Variants in BBX observed in about 807,000 individuals in gnomAD.
BBX encodes BBX high mobility group box domain containing.
BBX carries 30 observed loss-of-function variants against 100.2 expected under a neutral mutation model. The observed-to-expected ratio is 0.30, with a 90% CI of 0.22 to 0.41. The LOEUF is 0.41. BBX is among the 10% of genes least tolerant of loss of function. BBX has a pLI of 1.00. For synonymous variants in BBX, 376 were observed against 388.1 expected (o/e 0.97, Z 0.37); for missense variants, 1,023 against 1,129.8 (o/e 0.91, Z 1.35).
At chr3:107,572,235 C>T (rs961189994) in intron 2 of BBX, among the ~76,000 whole-genome samples, 6 of 152,138 alleles carry the variant, frequency 3.9e-5, no homozygotes, top group Admixed American at 2.6e-4. Context: ...GAACTTTTCC[C>T]GTCTGCTATA....
intron 10 of BBX, among the ~76,000 whole-genome samples, chr3:107,763,067 G>T (rs1027765669): frequency 3.3e-5 from 5 of 152,032 alleles, no homozygotes; most frequent in African/African-American, 1.2e-4. Context: ...GTTCAGACTT[G>T]GGTCCTATCC....
chr3:107,587,727 T>C (rs1262404042), intron 2 of BBX, among the ~76,000 whole-genome samples: 9 of 152,212 alleles, frequency 5.9e-5, no homozygotes, highest in Admixed American at 5.9e-4. Context: ...CTGGGTACGC[T>C]AGACCAACAC....
At chr3:107,588,848 T>C (rs1460049806) in intron 2 of BBX, among the ~76,000 whole-genome samples, 1 of 152,174 alleles carries the variant, frequency 6.6e-6, no homozygotes, top group Admixed American at 6.5e-5. Flanking sequence ...ATAAAAAATA[T>C]CAATAGTGAT....
At chr3:107,594,850 T>C (rs1172417086) in intron 2 of BBX, among the ~76,000 whole-genome samples, 1 of 152,260 alleles carries the variant, frequency 6.6e-6, no homozygotes, top group Non-Finnish European at 1.5e-5. Context: ...CTAAGGATAC[T>C]GTCTTTTTTG....
intron 2 of BBX, among the ~76,000 whole-genome samples, chr3:107,642,708 A>G (rs981238848): frequency 6.6e-6 from 1 of 151,976 alleles, no homozygotes; most frequent in Admixed American, 6.6e-5. Context: ...AAAAATCCTT[A>G]TTTCCTTTTT....
chr3:107,703,547 T>C (rs1455707940), intron 3 of BBX, among the ~76,000 whole-genome samples: 2 of 152,226 alleles, frequency 1.3e-5, no homozygotes, highest in African/African-American at 2.4e-5. Flanking sequence ...AGCTAAGCCC[T>C]TCTTTGAATA....
At chr3:107,536,829 C>G (rs1452862739) in intron 2 of BBX, among the ~76,000 whole-genome samples, 2 of 152,076 alleles carry the variant, frequency 1.3e-5, no homozygotes, top group South Asian at 4.1e-4. Context: ...CAAACATGTT[C>G]TACTGGCTGG....
intron 1 of BBX, among the ~76,000 whole-genome samples, chr3:107,525,969 TG>T (rs778772561): frequency 2.0e-5 from 3 of 152,224 alleles, no homozygotes; most frequent in African/African-American, 4.8e-5. Context: ...GTGTTTGTCC[TG>T]GGGGCGGTGA....
chr3:107,557,919 A>G (rs1480442734), intron 2 of BBX, among the ~76,000 whole-genome samples: 1 of 152,224 alleles, frequency 6.6e-6, no homozygotes, highest in Non-Finnish European at 1.5e-5. Flanking sequence ...CAGGATGAGG[A>G]GGGCAGTGGC....
chr3:107,768,172 C>A (rs1399980813), intron 10 of BBX, among the ~76,000 whole-genome samples: 1 of 152,148 alleles, frequency 6.6e-6, no homozygotes, highest in East Asian at 1.9e-4. Context: ...GCCTTAAATT[C>A]CCGCTGCTAG....
chr3:107,673,399 G>A (rs1461191265), intron 3 of BBX, among the ~76,000 whole-genome samples: 1 of 151,872 alleles, frequency 6.6e-6, no homozygotes, highest in African/African-American at 2.4e-5. Context: ...TAATAAAATG[G>A]CCATTTAAAA....
intron 2 of BBX, among the ~76,000 whole-genome samples, chr3:107,535,971 A>G (rs1302131255): frequency 6.6e-6 from 1 of 152,262 alleles, no homozygotes; most frequent in African/African-American, 2.4e-5. Flanking sequence ...AACATGCATA[A>G]TGTTATAAAA....
chr3:107,696,742 C>T (rs1452502458), intron 3 of BBX, among the ~76,000 whole-genome samples: 1 of 151,420 alleles, frequency 6.6e-6, no homozygotes, highest in East Asian at 1.9e-4. Context: ...TGAATGTTGG[C>T]CTGCCTTGCT....
intron 5 of BBX, among the ~76,000 whole-genome samples, 164 bp from the exon 6 acceptor site, chr3:107,728,601 A>G (rs1241544321): frequency 6.6e-6 from 1 of 152,214 alleles, no homozygotes; most frequent in Non-Finnish European, 1.5e-5. Context: ...TCCTATCTCT[A>G]GAACCCTATG....
Position 107,555,543 on chromosome 3 carries a change from G to A in BBX, c.-84+29145G>A, listed in dbSNP as rs145515102. Among the ~76,000 whole-genome samples the A allele has an allele frequency of 7.9e-5, 12 of 152,226 alleles. 1 individual carries two copies. Among genetic ancestry groups the A allele is most frequent in the African/African-American group, 2.6e-4 (11 of 41,540 alleles). On this transcript the variant is annotated intron_variant, in intron 2 of 17. Transcript: ENST00000325805. The stretch of plus-strand genomic sequence containing the variant: ...AAGTTACTCATCAAAAAGCAGAACC[G>A]GAACCAAAACTACTATCCCACTCAT...
At chr3:107,726,459 T>C (rs74716980) in intron 5 of BBX, among the ~76,000 whole-genome samples, 1 of 151,594 alleles carries the variant, frequency 6.6e-6, no homozygotes, top group African/African-American at 2.4e-5. Flanking sequence ...TTCCACTCAA[T>C]TTATACTTGA....
chr3:107,658,773 G>A (rs777830009), intron 3 of BBX, among the ~76,000 whole-genome samples: 8 of 152,100 alleles, frequency 5.3e-5, no homozygotes, highest in Admixed American at 1.3e-4. Context: ...AGCCTTAAAT[G>A]TAGGTGTCAT....
intron 3 of BBX, among the ~76,000 whole-genome samples, chr3:107,700,983 A>G (rs1209950956): frequency 6.6e-6 from 1 of 151,608 alleles, no homozygotes; most frequent in Non-Finnish European, 1.5e-5. Flanking sequence ...GTCAAATGGT[A>G]TTTCTAGTTC....
chr3:107,658,533 A>C (rs2058267823), intron 3 of BBX, among the ~76,000 whole-genome samples: 1 of 152,190 alleles, frequency 6.6e-6, no homozygotes, highest in South Asian at 2.1e-4. Context: ...TCCTTTAGAA[A>C]GCCCTTTGGA....
Sources: gnomAD v4.1 joint callset for allele counts (sites outside exome capture counted in the v4.1 genomes callset) on GRCh38, gnomAD v4.1.1 for gene constraint, MANE v1.5 for transcripts, NCBI Gene and HGNC (gene_info 2026-07-23, HGNC 2026-07-21) for gene names.